ZNF563: variants seen among roughly 807,000 people sequenced by gnomAD.
ZNF563 encodes the protein zinc finger protein 563.
In ZNF563, 39 loss-of-function variants were observed where a neutral mutation model predicts 48.5. The ratio of observed to expected loss-of-function variants is 0.80; its 90% CI spans 0.62 to 1.05. The LOEUF (loss-of-function observed/expected upper bound fraction) is 1.05, where lower values mean the gene tolerates loss of function less well. ZNF563 is among the 50% of genes least tolerant of loss of function. ZNF563 has a pLI of 0.00. For synonymous variants in ZNF563, 168 were observed against 187.9 expected (o/e 0.89, Z 0.87); for missense variants, 538 against 597.0 (o/e 0.90, Z 1.03).
intron 1 of ZNF563, 141 bp from the exon 2 acceptor site, chr19:12,322,852 C>G (rs1968670529): frequency 1.1e-6 from 1 of 926,494 alleles, no homozygotes; most frequent in African/African-American, 1.7e-5. Context: ...ATTCTCTTTA[C>G]ACTCACTTTC....
At chr19:12,337,143 G>A (rs374495573), upstream of ZNF563, among the ~76,000 whole-genome samples, 6 of 152,210 alleles carry the variant, frequency 3.9e-5, no homozygotes, top group Admixed American at 3.3e-4. Flanking sequence ...TGAGAAATCC[G>A]CACCAGAGAA....
chr19:12,320,027 C>T (rs1968567764), intron 3 of ZNF563, among the ~76,000 whole-genome samples, 194 bp from the exon 4 acceptor site: 1 of 152,056 alleles, frequency 6.6e-6, no homozygotes, highest in South Asian at 2.1e-4. Context: ...AGCGATTCTC[C>T]TGCCTCAGCC....
At position 12,319,554 on chromosome 19, in the gene ZNF563, C is replaced by T. The variant is rs756103304; in HGVS notation, c.471G>A (p.Gln157=). The change falls in exon 4 of 4, where the codon CAG becomes CAA. Residue 157 remains glutamine, a synonymous_variant. Coordinates refer to ENST00000293725, the MANE Select transcript of ZNF563 (RefSeq NM_145276.3). ...TTCCAGTGTGAGGCCTTCCACGCGACTGAAAGGAGTGATGGTAACTGAAGG... is the reference window on the plus strand; with the variant it reads ...TTCCAGTGTGAGGCCTTCCACGCGATTGAAAGGAGTGATGGTAACTGAAGG... The part of the protein sequence containing the change: ...GKAFSYHHSF[Q]SRGRPHTGKK... 1 of 1,614,158 alleles carries T rather than the reference C, an allele frequency of 6.2e-7. No individual in the cohort carries two copies. Among genetic ancestry groups the T allele is most frequent in the Admixed American group, 1.7e-5 (1 of 60,020 alleles).
intron 1 of ZNF563, among the ~76,000 whole-genome samples, chr19:12,328,978 A>G (rs2145815657): frequency 6.6e-6 from 1 of 152,242 alleles, no homozygotes; most frequent in South Asian, 2.1e-4. Context: ...ATATTTTAGC[A>G]AAATCTCTGG....
intron 3 of ZNF563, 83 bp from the exon 4 acceptor site, chr19:12,319,916 C>CT (rs61319567): frequency 0.22 from 229,796 of 1,061,580 alleles, 3,722 homozygotes; most frequent in East Asian, 0.27. Context: ...ATTGGATGTA[C>CT]TTTTTTTTTT....
At chr19:12,336,326 C>T (rs1042514113), upstream of ZNF563, among the ~76,000 whole-genome samples, 1 of 152,108 alleles carries the variant, frequency 6.6e-6, no homozygotes, top group African/African-American at 2.4e-5. Context: ...GGCGCGGTGG[C>T]TCACACCTGC....
chr19:12,336,201 C>T (rs560361934), upstream of ZNF563, among the ~76,000 whole-genome samples: 1 of 152,250 alleles, frequency 6.6e-6, no homozygotes, highest in South Asian at 2.1e-4. Flanking sequence ...TGCCTTGGGC[C>T]TGTAATCCCA....
At chr19:12,333,669 G>T (rs1210150136), upstream of ZNF563, 8 of 853,606 alleles carry the variant, frequency 9.4e-6, no homozygotes, top group Admixed American at 1.3e-4. Context: ...TGAAGACGCC[G>T]CGGGCTCTTT....
At chr19:12,339,511 C>G in the ZNF563 span, among the ~76,000 whole-genome samples, 7 of 151,990 alleles carry the variant, frequency 4.6e-5, no homozygotes, top group African/African-American at 1.7e-4. Flanking sequence ...AACTCCTGAC[C>G]TCAGGTGATC....
intron 1 of ZNF563, among the ~76,000 whole-genome samples, chr19:12,326,639 C>CA (rs34093215): frequency 0.026 from 3,451 of 130,794 alleles, 54 homozygotes; most frequent in Non-Finnish European, 0.044. Flanking sequence ...GACTCTGTCT[C>CA]AAAAAAAAAA....
intron 1 of ZNF563, among the ~76,000 whole-genome samples, chr19:12,326,820 C>T (rs1968807728): frequency 6.6e-6 from 1 of 152,090 alleles, no homozygotes; most frequent in South Asian, 2.1e-4. Flanking sequence ...ATTCACATCA[C>T]ATTAAATGAA....
chr19:12,334,925 T>C (rs951011177), upstream of ZNF563, among the ~76,000 whole-genome samples: 5 of 143,968 alleles, frequency 3.5e-5, no homozygotes, highest in Non-Finnish European at 6.1e-5. Flanking sequence ...CTACATAAAC[T>C]GTCAAATTCA....
upstream of ZNF563, among the ~76,000 whole-genome samples, chr19:12,334,290 A>G (rs1044812153): frequency 6.6e-6 from 1 of 150,836 alleles, no homozygotes; most frequent in African/African-American, 2.5e-5. Flanking sequence ...CAAAAATACA[A>G]CAGGAAAAAA....
the ZNF563 span, among the ~76,000 whole-genome samples, chr19:12,342,874 G>A: frequency 6.6e-6 from 1 of 151,982 alleles, no homozygotes; most frequent in Non-Finnish European, 1.5e-5. Flanking sequence ...TGCAGCAATG[G>A]CAGTGCTAAG....
chr19:12,335,624 A>C (rs975404719), upstream of ZNF563, among the ~76,000 whole-genome samples: 2 of 152,242 alleles, frequency 1.3e-5, no homozygotes, highest in African/African-American at 4.8e-5. Context: ...TTCCTGGGCC[A>C]TGGGTTGGAC....
At chr19:12,335,577 A>G (rs774953406), upstream of ZNF563, among the ~76,000 whole-genome samples, 4 of 152,246 alleles carry the variant, frequency 2.6e-5, no homozygotes, top group Non-Finnish European at 5.9e-5. Flanking sequence ...ATGTTTTAAG[A>G]AAGATCATGA....
chr19:12,335,855 T>C (rs1399637692), upstream of ZNF563, among the ~76,000 whole-genome samples: 1 of 152,254 alleles, frequency 6.6e-6, no homozygotes, highest in Non-Finnish European at 1.5e-5. Flanking sequence ...ATGAACAATT[T>C]CCTTTGTATC....
chr19:12,339,273 C>CTTTTT, the ZNF563 span, among the ~76,000 whole-genome samples: 95 of 86,448 alleles, frequency 1.1e-3, no homozygotes, highest in South Asian at 1.9e-3. Context: ...CAGTTGATTT[C>CTTTTT]TTTTTTTTTT....
intron 1 of ZNF563, among the ~76,000 whole-genome samples, chr19:12,326,922 T>C (rs1968809347): frequency 6.6e-6 from 1 of 152,186 alleles, no homozygotes; most frequent in Non-Finnish European, 1.5e-5. Context: ...TTGGGTGTTA[T>C]AGGTCACAAT....
Sources: gnomAD v4.1 joint callset for allele counts (sites outside exome capture counted in the v4.1 genomes callset) on GRCh38, gnomAD v4.1.1 for gene constraint, MANE v1.5 for transcripts, NCBI Gene and HGNC (gene_info 2026-07-23, HGNC 2026-07-21) for gene names.